The following PHF21B variants were observed in gnomAD, a reference collection of about 807,000 sequenced individuals.
PHF21B encodes PHD finger protein 21B.
In PHF21B, 22 loss-of-function variants were observed where a neutral mutation model predicts 62.2. That is an observed-to-expected ratio of 0.35 (90% CI 0.25 to 0.51). PHF21B has a LOEUF of 0.51. Ranked by LOEUF, PHF21B falls within the 20% of genes least tolerant of loss-of-function variation. The pLI is 0.97. For synonymous variants in PHF21B, 341 were observed against 314.7 expected (o/e 1.08, Z -0.88); for missense variants, 701 against 707.9 (o/e 0.99, Z 0.11).
In PHF21B at chr22:44,916,565, C is replaced by T; in HGVS notation, c.279G>A (p.Lys93=). 6.2e-7 allele frequency: 1 copy of T among 1,607,908 alleles called. No homozygotes were observed. Among genetic ancestry groups the T allele is most frequent in the Non-Finnish European group, 8.5e-7 (1 of 1,179,920 alleles). Residue 93 remains lysine (K), a synonymous_variant, in exon 4 of 13, where the codon AAG becomes AAA. Coordinates refer to ENST00000313237, the MANE Select transcript of PHF21B (RefSeq NM_138415.5). ...PVAPGRDRPP[K]QPPTFQKATV... ...TGGCCTTCTGGAATGTTGGGGGCTG[C>T]TTGGGTGGCCGGTCCCGGCCCGGGG...
intron 2 of PHF21B, among the ~76,000 whole-genome samples, chr22:44,976,766 G>A (rs2072745318): frequency 6.6e-6 from 1 of 152,240 alleles, no homozygotes; most frequent in Admixed American, 6.5e-5. Flanking sequence ...ATTAAGTACT[G>A]AAGAGAGATT....
chr22:44,917,572 A>G (rs1334821472), intron 3 of PHF21B, among the ~76,000 whole-genome samples: 2 of 152,104 alleles, frequency 1.3e-5, no homozygotes, highest in Non-Finnish European at 2.9e-5. Context: ...TCTCATCTGA[A>G]CCCCGCTGCG....
In PHF21B at chr22:44,920,480, G is replaced by T. The variant is rs754027328; in HGVS notation, c.131C>A (p.Thr44Lys). The T allele has an allele frequency of 2.5e-6, 4 of 1,610,600 alleles. No individual in the cohort carries two copies. The highest frequency in any genetic ancestry group is 3.4e-6 in the Non-Finnish European group (4 of 1,177,968). Residue 44 changes from threonine (T) to lysine (K), a missense_variant, in exon 3 of 13, where the codon ACG (threonine) becomes AAG (lysine). Coordinates refer to ENST00000313237, the MANE Select transcript of PHF21B (RefSeq NM_138415.5). ...AALSDKQALGTITAVPVTGPQ... is the reference protein window; with the variant it reads ...AALSDKQALGKITAVPVTGPQ... ...ACCCGTGACAGGCACTGCAGTGATC[G>T]TTCCCAAAGCCTGAAACATACAGGA...
intron 2 of PHF21B, among the ~76,000 whole-genome samples, chr22:44,952,521 A>C (rs2072214672): frequency 6.6e-6 from 1 of 152,302 alleles, no homozygotes; most frequent in Admixed American, 6.5e-5. Flanking sequence ...CCGAAGAAAA[A>C]GTCAAGTTCC....
intron 2 of PHF21B, among the ~76,000 whole-genome samples, chr22:44,952,440 T>C (rs2072213087): frequency 1.3e-5 from 2 of 152,190 alleles, no homozygotes; most frequent in South Asian, 2.1e-4. Context: ...CATATGGTCA[T>C]TGAAAACAGT....
intron 2 of PHF21B, among the ~76,000 whole-genome samples, chr22:44,978,799 T>C (rs554906951): frequency 1.3e-5 from 2 of 152,340 alleles, no homozygotes; most frequent in African/African-American, 4.8e-5. Flanking sequence ...CTGGCTCCCA[T>C]AGGCGAAGGC....
chr22:44,914,686 T>G (rs1035431659), intron 4 of PHF21B, among the ~76,000 whole-genome samples: 1 of 152,174 alleles, frequency 6.6e-6, no homozygotes, highest in Admixed American at 6.5e-5. Context: ...TTCACTGCCA[T>G]GAGGCCCCTC....
chr22:44,933,746 C>G (rs1192549091), intron 2 of PHF21B, among the ~76,000 whole-genome samples: 2 of 151,912 alleles, frequency 1.3e-5, no homozygotes, highest in African/African-American at 2.4e-5. Flanking sequence ...GACAGACAGA[C>G]AGACAGAGAG....
intron 12 of PHF21B, among the ~76,000 whole-genome samples, chr22:44,883,806 C>T (rs76699620): frequency 1.3e-5 from 1 of 77,346 alleles, no homozygotes; most frequent in East Asian, 3.0e-4. Flanking sequence ...GGGCAAATAA[C>T]AACCTCCCCG....
intron 12 of PHF21B, among the ~76,000 whole-genome samples, chr22:44,884,056 TCAC>T (rs1307418264): frequency 5.2e-5 from 5 of 96,310 alleles, no homozygotes; most frequent in Admixed American, 2.0e-4. Context: ...ACCACCACCA[TCAC>T]CACCACCATG....
rs150531789 is a variant in PHF21B at position 44,900,352 on chromosome 22, G to C, written c.832-4269C>G. 3.9e-3 allele frequency among the ~76,000 whole-genome samples: 591 copies of C among 152,264 alleles called. 6 individuals carry two copies. The highest frequency in any genetic ancestry group is 0.014 in the African/African-American group (577 of 41,538). On this transcript the variant is annotated intron_variant, in intron 5 of 12. Transcript: ENST00000313237. ...ACTTTTTTTTGTTGCCCAGACTGGA[G>C]TGTAGTGGCATGATCTTGGCTCACT...
intron 5 of PHF21B, among the ~76,000 whole-genome samples, chr22:44,903,421 C>T (rs570311122): frequency 6.6e-6 from 1 of 151,952 alleles, no homozygotes; most frequent in Admixed American, 6.6e-5. Flanking sequence ...GACACTAACA[C>T]TTCTTGCCCA....
rs181742388 is a variant in PHF21B at position 44,933,609 on chromosome 22, A to G, written c.121-13119T>C. 5.0e-4 allele frequency: 453 copies of G among 901,160 alleles called. 5 individuals carry two copies. The African/African-American group carries it at 7.8e-3, about 16-fold the overall frequency. 55.8% of individuals were successfully genotyped at this position (901,160 alleles called of 1,614,324 possible). A position where few individuals can be genotyped will look rare whatever the true frequency, so the allele number is the denominator to read the frequency against. ...AAGGTCTCGGCTACATAGAAGGGGT[A>G]AGCGTTAAGTGGGGTGGGGGAGCCG... On this transcript the variant is annotated intron_variant, in intron 2 of 12. Transcript: ENST00000313237.
chr22:44,911,539 C>T lies in PHF21B; in HGVS notation c.831+2283G>A, dbSNP rs140722144. 5.0e-3 allele frequency among the ~76,000 whole-genome samples: 761 copies of T among 152,352 alleles called. 11 individuals carry two copies. Among genetic ancestry groups the T allele is most frequent in the African/African-American group, 0.017 (725 of 41,568 alleles). ...GACTAAAAGGGGCCAAGGTACCCCT[C>T]AGCCTGTTGCTTCAGAGGGTGGAAG... On this transcript the variant is annotated intron_variant, in intron 5 of 12. Coordinates refer to ENST00000313237, the MANE Select transcript of PHF21B (RefSeq NM_138415.5).
chr22:44,898,022 T>C (rs562575646), intron 5 of PHF21B, among the ~76,000 whole-genome samples: 1 of 152,286 alleles, frequency 6.6e-6, no homozygotes, highest in East Asian at 1.9e-4. Context: ...TTACCCAGGC[T>C]AGTCTCAAAC....
chr22:44,924,561 C>T (rs936790023), intron 2 of PHF21B, among the ~76,000 whole-genome samples: 2 of 152,198 alleles, frequency 1.3e-5, no homozygotes, highest in African/African-American at 4.8e-5. Context: ...TGTCCTCTCT[C>T]TCTCTCATTC....
chr22:44,912,305 G>T (rs2071357309), intron 5 of PHF21B, among the ~76,000 whole-genome samples: 1 of 152,146 alleles, frequency 6.6e-6, no homozygotes, highest in South Asian at 2.1e-4. Context: ...AGGCATGATT[G>T]GTTTTGAAAT....
chr22:44,948,001 G>GCTGTTGTCCCTCCTCCCCA (rs1555947942), intron 2 of PHF21B, among the ~76,000 whole-genome samples: 6 of 146,778 alleles, frequency 4.1e-5, no homozygotes, highest in African/African-American at 1.6e-4. Context: ...CCTCCTCCCC[G>GCTGTTGTCCCTCCTCCCCA]CTGTTGTCCC....
chr22:44,911,492 G>A (rs546411845), intron 5 of PHF21B, among the ~76,000 whole-genome samples: 1 of 152,268 alleles, frequency 6.6e-6, no homozygotes, highest in South Asian at 2.1e-4. Context: ...TTAGTGCCCT[G>A]TGTCCCAGCC....
Sources: allele counts gnomAD v4.1 joint callset (sites outside exome capture counted in the v4.1 genomes callset), GRCh38; gene constraint gnomAD v4.1.1; transcripts MANE v1.5; gene names NCBI Gene and HGNC (gene_info 2026-07-23, HGNC 2026-07-21).